IQCH: variants seen among roughly 807,000 people sequenced by gnomAD.
IQCH encodes the protein IQ motif containing H, also known as IQ domain-containing protein H.
A neutral mutation model predicts 117.0 loss-of-function variants in IQCH; 98 were observed. The ratio of observed to expected loss-of-function variants is 0.84; its 90% CI spans 0.71 to 0.99. The LOEUF (loss-of-function observed/expected upper bound fraction) is 0.99, where lower values mean the gene tolerates loss of function less well. Among genes scored for constraint, IQCH ranks in the 50% least tolerant of loss-of-function variants. The pLI is 0.00. For synonymous variants in IQCH, 412 were observed against 448.2 expected (o/e 0.92, Z 1.02); for missense variants, 1,102 against 1,243.8 (o/e 0.89, Z 1.72).
At chr15:67,256,639 A>G (rs915444818) in intron 1 of IQCH, among the ~76,000 whole-genome samples, 4 of 151,920 alleles carry the variant, frequency 2.6e-5, no homozygotes, top group Non-Finnish European at 5.9e-5. Context: ...GCACATACCC[A>G]CTCTTTTTAT....
rs1046354679 is a variant in IQCH, at chr15:67,404,948, T to C, written c.2097+4643T>C. 1 of 152,228 alleles carries C rather than the reference T, an allele frequency of 6.6e-6. No individual in the cohort carries two copies. Among genetic ancestry groups the C allele is most frequent in the African/African-American group, 2.4e-5 (1 of 41,450 alleles). 9.4% of individuals were successfully genotyped at this position (152,228 alleles called of 1,614,324 possible). A position where few individuals can be genotyped will look rare whatever the true frequency, so the allele number is the denominator to read the frequency against. On this transcript the variant is annotated intron_variant, in intron 14 of 20. Transcript: ENST00000335894. The surrounding 1 kb of genome is among the most constrained non-coding windows in gnomAD (Gnocchi z 4.6). ...ACATATTGCCATATTCCTAAAAAGA[T>C]AGTACCAATTTCCAAAGCAACTGGC... is the stretch of plus-strand genomic sequence containing the variant.
chr15:67,494,385 A>T lies in IQCH; in HGVS notation c.2970+19A>T. ...TTTTAAGGTGAGGTGTTAATTAACTAACGATTCTGGTTAATTTCTATACAA... is the reference window on the plus strand; with the variant it reads ...TTTTAAGGTGAGGTGTTAATTAACTTACGATTCTGGTTAATTTCTATACAA... On this transcript the variant is annotated intron_variant, in intron 20 of 20. Transcript: ENST00000335894. This position sits in a 1 kb window ranked among gnomAD's most constrained non-coding sequence, Gnocchi z 5.5. The T allele has an allele frequency of 6.5e-7, 1 of 1,533,362 alleles. No individual in the cohort carries two copies. Among genetic ancestry groups the T allele is most frequent in the East Asian group, 2.2e-5 (1 of 44,456 alleles). 95.0% of individuals were successfully genotyped at this position (1,533,362 alleles called of 1,614,324 possible).
chr15:67,327,631 CT>C (rs1192719708), intron 4 of IQCH, among the ~76,000 whole-genome samples: 1 of 152,150 alleles, frequency 6.6e-6, no homozygotes, highest in East Asian at 1.9e-4. Context: ...TGTTATCTTG[CT>C]TCCTAAAGTG....
In IQCH at chr15:67,480,261, C is replaced by T. The variant is rs567466478; in HGVS notation, c.2799+4443C>T. 3.3e-5 allele frequency among the ~76,000 whole-genome samples: 5 copies of T among 152,292 alleles called. No homozygotes were observed. In the South Asian group the frequency reaches 8.3e-4, roughly 25 times the overall value. On this transcript the variant is annotated intron_variant, in intron 18 of 20. Transcript: ENST00000335894. ...CATAACGAAACTGTATTTCCTCAGC[C>T]CTCCTCCTGAAGTTGGGCATGGCCA...
rs138932365 is a variant in IQCH at position 67,380,692 on chromosome 15, A to G, written c.1373-4244A>G. Among the ~76,000 whole-genome samples, 143 of 152,320 alleles carry G rather than the reference A, an allele frequency of 9.4e-4. 2 individuals carry two copies. In the East Asian group the frequency reaches 0.012, roughly 13 times the overall value. ...GCAATTCCAGATTATCTCTGTATCA[A>G]TGTCACTCTTCTTCACCTTTCTTCC... On this transcript the variant is annotated intron_variant, in intron 10 of 20. Transcript: ENST00000335894.
chr15:67,344,417 G>A (rs11636980), intron 6 of IQCH, among the ~76,000 whole-genome samples: 70,610 of 151,756 alleles, frequency 0.47, 16,801 homozygotes, highest in Non-Finnish European at 0.52. Context: ...TTCTTCTGGC[G>A]TACTTTTAAC....
At chr15:67,371,484 G>T in intron 8 of IQCH, 1 of 1,587,032 alleles carries the variant, frequency 6.3e-7, no homozygotes, top group South Asian at 1.2e-5. Context: ...GAAGAAACCA[G>T]ACTTAAGAAT....
chr15:67,403,219 C>T lies in IQCH; in HGVS notation c.2097+2914C>T, dbSNP rs1461454690. Reference sequence around the variant, plus strand: ...GAGCCGAGATCACACCACTGCACTCCAGCCTGGGCGACAGAGTGAGACACT... The same window carrying T: ...GAGCCGAGATCACACCACTGCACTCTAGCCTGGGCGACAGAGTGAGACACT... On this transcript the variant is annotated intron_variant, in intron 14 of 20. Coordinates refer to ENST00000335894, the MANE Select transcript of IQCH (RefSeq NM_001031715.3). The surrounding 1 kb of genome is among the most constrained non-coding windows in gnomAD (Gnocchi z 4.8). Among the ~76,000 whole-genome samples, 9 of 151,478 alleles carry T rather than the reference C, an allele frequency of 5.9e-5. No homozygotes were observed. The highest frequency in any genetic ancestry group is 1.3e-4 in the Non-Finnish European group (9 of 67,920).
chr15:67,357,560 T>C, intron 7 of IQCH, 139 bp downstream of exon 7: 2 of 665,226 alleles, frequency 3.0e-6, no homozygotes, highest in Non-Finnish European at 5.5e-6. Context: ...TGGTATGCAT[T>C]TGACTTTCAA....
intron 4 of IQCH, among the ~76,000 whole-genome samples, chr15:67,299,906 T>TC (rs1418405678): frequency 6.6e-6 from 1 of 152,186 alleles, no homozygotes; most frequent in African/African-American, 2.4e-5. Context: ...GATAAATGAC[T>TC]CCAAGGATTT....
chr15:67,334,722 A>G (rs1022533203), intron 4 of IQCH, among the ~76,000 whole-genome samples: 3 of 152,170 alleles, frequency 2.0e-5, no homozygotes, highest in Non-Finnish European at 4.4e-5. Flanking sequence ...GAGCGATTCT[A>G]ATATACAGCC....
intron 16 of IQCH, 120 bp downstream of exon 16, chr15:67,421,697 T>A (rs1445739544): frequency 3.9e-6 from 4 of 1,032,684 alleles, no homozygotes; most frequent in Non-Finnish European, 5.7e-6. Context: ...TCTGATGAAC[T>A]TGCTCTAAAT....
chr15:67,500,837 TG>T lies in IQCH; in HGVS notation c.*93del, dbSNP rs1179543795. On this transcript the variant is annotated 3_prime_UTR_variant, in exon 21 of 21. Coordinates refer to ENST00000335894, the MANE Select transcript of IQCH (RefSeq NM_001031715.3). The surrounding 1 kb of genome is among the most constrained non-coding windows in gnomAD (Gnocchi z 4.4). ...GTTAGAAATAAAAGCCAGGGGAAATTGGTTTGCTTTGTGTGCTAGGAGGTGA... is the reference window on the plus strand; with the variant it reads ...GTTAGAAATAAAAGCCAGGGGAAATTGTTTGCTTTGTGTGCTAGGAGGTGA... The T allele has an allele frequency of 2.9e-5, 18 of 624,152 alleles. No individual in the cohort carries two copies. The South Asian group carries it at 4.3e-4, about 15-fold the overall frequency. The allele number at this position is 624,152 out of a possible 1,614,324, so 38.7% of individuals were successfully genotyped here. A position where few individuals can be genotyped will look rare whatever the true frequency, so the allele number is the denominator to read the frequency against.
rs2083095649 is a variant in IQCH at position 67,472,497 on chromosome 15, A to G, written c.2677-3199A>G. On this transcript the variant is annotated intron_variant, in intron 17 of 20. Coordinates refer to ENST00000335894, the MANE Select transcript of IQCH (RefSeq NM_001031715.3). The surrounding 1 kb of genome is among the most constrained non-coding windows in gnomAD (Gnocchi z 4.3). Reference sequence around the variant, plus strand: ...TCAGAATCCCAGGAGATGGGGGAAGAGTAGGGGAAAAAACAGCCTGGGAAG... The same window carrying G: ...TCAGAATCCCAGGAGATGGGGGAAGGGTAGGGGAAAAAACAGCCTGGGAAG... Among the ~76,000 whole-genome samples, 1 of 152,220 alleles carries G rather than the reference A, an allele frequency of 6.6e-6. No homozygotes were observed. The highest frequency in any genetic ancestry group is 1.5e-5 in the Non-Finnish European group (1 of 68,028).
chr15:67,262,802 T>C (rs1965512937), intron 2 of IQCH, among the ~76,000 whole-genome samples: 1 of 152,086 alleles, frequency 6.6e-6, no homozygotes, highest in South Asian at 2.1e-4. Flanking sequence ...GAAGGATTGC[T>C]TAAGCCTTGG....
chr15:67,465,402 A>G lies in IQCH; in HGVS notation c.2676+105A>G. On this transcript the variant is annotated intron_variant, in intron 17 of 20. Transcript: ENST00000335894. This position sits in a 1 kb window ranked among gnomAD's most constrained non-coding sequence, Gnocchi z 5.9. Reference sequence around the variant, plus strand: ...GGATCTTTGAGTACAGGAAGAAGAAAGAGCCTAAGGCAAGTCATTGGACTT... The same window carrying G: ...GGATCTTTGAGTACAGGAAGAAGAAGGAGCCTAAGGCAAGTCATTGGACTT... 8.1e-7 allele frequency: 1 copy of G among 1,240,866 alleles called. No homozygotes were observed. The allele number at this position is 1,240,866 out of a possible 1,614,324, so 76.9% of individuals were successfully genotyped here. A position where few individuals can be genotyped will look rare whatever the true frequency, so the allele number is the denominator to read the frequency against.
rs2081826806 is a variant in IQCH at position 67,424,181 on chromosome 15, G to A, written c.2505+2604G>A. On this transcript the variant is annotated intron_variant, in intron 16 of 20. Transcript: ENST00000335894. This position sits in a 1 kb window ranked among gnomAD's most constrained non-coding sequence, Gnocchi z 4.9. ...TTGTTCTGGTCCATCCACACACCCT[G>A]TCTCATTCCCTCTTACTCATCATAT... Among the ~76,000 whole-genome samples, 1 of 152,058 alleles carries A rather than the reference G, an allele frequency of 6.6e-6. No homozygotes were observed. Among genetic ancestry groups the A allele is most frequent in the South Asian group, 2.1e-4 (1 of 4,820 alleles).
chr15:67,469,072 T>C (rs1475227954), intron 17 of IQCH, among the ~76,000 whole-genome samples: 1 of 152,216 alleles, frequency 6.6e-6, no homozygotes, highest in African/African-American at 2.4e-5. Context: ...TCTTGTTAAA[T>C]TGTGATTTAG....
chr15:67,255,540 T>G (rs1175258007), intron 1 of IQCH, among the ~76,000 whole-genome samples: 1 of 152,252 alleles, frequency 6.6e-6, no homozygotes, highest in Non-Finnish European at 1.5e-5. Context: ...TTTGTAATAG[T>G]TGCACTCAGA....
Sources: allele counts gnomAD v4.1 joint callset (sites outside exome capture counted in the v4.1 genomes callset), GRCh38; gene constraint gnomAD v4.1.1; non-coding constraint Gnocchi (gnomAD v3.1); transcripts MANE v1.5; gene names NCBI Gene and HGNC (gene_info 2026-07-23, HGNC 2026-07-21).